PRRX2: variants seen among roughly 807,000 people sequenced by gnomAD.
PRRX2 encodes the protein paired related homeobox 2.
A neutral mutation model predicts 18.0 loss-of-function variants in PRRX2; 11 were observed. The observed-to-expected ratio is 0.61, with a 90% CI of 0.39 to 1.01. PRRX2 has a LOEUF of 1.01. Ranked by LOEUF, PRRX2 falls within the 50% of genes least tolerant of loss-of-function variation. The pLI, the probability that PRRX2 is intolerant of heterozygous loss-of-function variation, is 0.01. For synonymous variants in PRRX2, 177 were observed against 154.8 expected (o/e 1.14, Z -1.06); for missense variants, 387 against 351.0 (o/e 1.10, Z -0.82).
intron 1 of PRRX2, among the ~76,000 whole-genome samples, chr9:129,679,159 T>C (rs1227597302): frequency 3.3e-5 from 5 of 152,092 alleles, no homozygotes; most frequent in Non-Finnish European, 5.9e-5. Flanking sequence ...ATTCATGGTG[T>C]CAGGGACCCA....
chr9:129,701,708 T>G (rs1259254165), intron 1 of PRRX2, among the ~76,000 whole-genome samples: 1 of 152,228 alleles, frequency 6.6e-6, no homozygotes, highest in Non-Finnish European at 1.5e-5. Context: ...AATGGAGTCA[T>G]GTGATAGCTA....
chr9:129,712,059 C>G (rs1017880951), intron 1 of PRRX2, among the ~76,000 whole-genome samples: 1 of 152,180 alleles, frequency 6.6e-6, no homozygotes, highest in African/African-American at 2.4e-5. Context: ...CCACTTCTTG[C>G]CTAAGACGTT....
intron 1 of PRRX2, among the ~76,000 whole-genome samples, chr9:129,713,607 A>G (rs1295786565): frequency 1.3e-5 from 2 of 151,534 alleles, no homozygotes; most frequent in East Asian, 1.9e-4. Context: ...GCCTCCCAGC[A>G]GACATCGATT....
intron 1 of PRRX2, among the ~76,000 whole-genome samples, chr9:129,702,072 G>T (rs1260644118): frequency 6.6e-6 from 1 of 152,012 alleles, no homozygotes; most frequent in African/African-American, 2.4e-5. Context: ...CTGCACTCCA[G>T]CCTGGGCGAC....
At chr9:129,677,559 C>T (rs1217246075) in intron 1 of PRRX2, among the ~76,000 whole-genome samples, 1 of 152,206 alleles carries the variant, frequency 6.6e-6, no homozygotes, top group Non-Finnish European at 1.5e-5. Flanking sequence ...CCCTCCAAAC[C>T]CCCCATTTGC....
chr9:129,713,755 T>C (rs150405450), intron 1 of PRRX2, among the ~76,000 whole-genome samples: 3,238 of 151,826 alleles, frequency 0.021, 84 homozygotes, highest in African/African-American at 0.062. Flanking sequence ...CTCGGCCTCC[T>C]GAGTAGCTGG....
rs116945714 is a variant in PRRX2, at chr9:129,683,244, G to A, written c.259+17118G>A. On this transcript the variant is annotated intron_variant, in intron 1 of 3. Coordinates refer to ENST00000372469, the MANE Select transcript of PRRX2 (RefSeq NM_016307.4). The stretch of plus-strand genomic sequence containing the variant: ...TAATTAATCATCTCCCTTTTAGGAA[G>A]CCCCCACTACAGACTAAGCACATGA... 1.6e-4 allele frequency among the ~76,000 whole-genome samples: 25 copies of A among 152,296 alleles called. No homozygotes were observed. In the East Asian group the frequency reaches 4.8e-3, roughly 29 times the overall value.
chr9:129,713,936 C>T (rs909820292), intron 1 of PRRX2, among the ~76,000 whole-genome samples: 1 of 151,744 alleles, frequency 6.6e-6, no homozygotes. Flanking sequence ...AGCCACTGCA[C>T]CTGGCCAACA....
At chr9:129,706,185 C>A (rs1443843514) in intron 1 of PRRX2, among the ~76,000 whole-genome samples, 1 of 152,164 alleles carries the variant, frequency 6.6e-6, no homozygotes, top group East Asian at 1.9e-4. Flanking sequence ...GTGGCTCACA[C>A]CTATAATCCC....
chr9:129,720,375 ACATTCTCCATT>A (rs1156424421), intron 2 of PRRX2, among the ~76,000 whole-genome samples: 4 of 152,160 alleles, frequency 2.6e-5, no homozygotes, highest in South Asian at 2.1e-4. Context: ...ATTCTCCAAC[ACATTCTCCATT>A]CATTCTCCAT....
intron 1 of PRRX2, among the ~76,000 whole-genome samples, chr9:129,712,081 A>G (rs1185695515): frequency 2.6e-5 from 4 of 152,124 alleles, no homozygotes; most frequent in African/African-American, 9.7e-5. Flanking sequence ...CAGGCTGTAA[A>G]TATTTCTCCA....
At position 129,706,562 on chromosome 9, in the gene PRRX2, CA is replaced by C. The variant is rs58955002; in HGVS notation, c.260-12656del. On this transcript the variant is annotated intron_variant, in intron 1 of 3. Transcript: ENST00000372469. ...TGGGCGACAGAGTGAAACTCCATCT[CA>C]AAAAAAAAAAAATAATTATTTGAGC... is the stretch of plus-strand genomic sequence containing the variant. Among the ~76,000 whole-genome samples, 747 of 138,470 alleles carry C rather than the reference CA, an allele frequency of 5.4e-3. 11 individuals carry two copies. The highest frequency in any genetic ancestry group is 0.031 in the Admixed American group (426 of 13,888). 90.8% of individuals were successfully genotyped at this position (138,470 alleles called of 152,430 possible).
chr9:129,665,749 G>A lies in PRRX2; in HGVS notation c.-119G>A, dbSNP rs2119041974. 2 of 749,668 alleles carry A rather than the reference G, an allele frequency of 2.7e-6. No homozygotes were observed. The highest frequency in any genetic ancestry group is 6.1e-5 in the South Asian group (1 of 16,500). 46.4% of individuals were successfully genotyped at this position (749,668 alleles called of 1,614,324 possible). ...GCCGGGCGGGCCGCGAGGCTAGGAG[G>A]CGGCGGGAGCTGGGCAGAGCGCGGG... is the stretch of plus-strand genomic sequence containing the variant. On this transcript the variant is annotated 5_prime_UTR_variant, in exon 1 of 4. Transcript: ENST00000372469. This position sits in a 1 kb window ranked among gnomAD's most constrained non-coding sequence, Gnocchi z 5.3.
At chr9:129,686,801 C>T (rs1187568282) in intron 1 of PRRX2, among the ~76,000 whole-genome samples, 1 of 152,238 alleles carries the variant, frequency 6.6e-6, no homozygotes, top group African/African-American at 2.4e-5. Context: ...CGCCCCTCCT[C>T]CACCCAGGCC....
chr9:129,674,165 C>G (rs1209307008), intron 1 of PRRX2, among the ~76,000 whole-genome samples: 1 of 152,120 alleles, frequency 6.6e-6, no homozygotes, highest in African/African-American at 2.4e-5. Flanking sequence ...CTCTCGCTGC[C>G]CTGAGCCCGG....
chr9:129,694,353 T>G lies in PRRX2; in HGVS notation c.260-24878T>G, dbSNP rs1160684238. Among the ~76,000 whole-genome samples, 6 of 152,276 alleles carry G rather than the reference T, an allele frequency of 3.9e-5. No individual in the cohort carries two copies. In the East Asian group the frequency reaches 9.7e-4, roughly 25 times the overall value. On this transcript the variant is annotated intron_variant, in intron 1 of 3. Transcript: ENST00000372469. ...GTGTGTGCCACCATGCCCGGCTAACTTGTGTATTTTTAGTAGAGATGGGTT... is the reference window on the plus strand; with the variant it reads ...GTGTGTGCCACCATGCCCGGCTAACGTGTGTATTTTTAGTAGAGATGGGTT...
chr9:129,679,601 C>T (rs946103861), intron 1 of PRRX2, among the ~76,000 whole-genome samples: 4 of 152,200 alleles, frequency 2.6e-5, no homozygotes, highest in African/African-American at 7.2e-5. Flanking sequence ...CTATTCCCTA[C>T]CCCTGCCGAC....
Position 129,675,811 on chromosome 9 carries a change from G to A in PRRX2, c.259+9685G>A, listed in dbSNP as rs1832156562. Among the ~76,000 whole-genome samples the A allele has an allele frequency of 6.6e-6, 1 of 152,222 alleles. No individual in the cohort carries two copies. Among genetic ancestry groups the A allele is most frequent in the Non-Finnish European group, 1.5e-5 (1 of 68,024 alleles). Reference sequence around the variant, plus strand: ...CGCCAGGCGGGCGCGCCTGGCAGGGGCCTCGCAGCCTCTCTCGCCGCCAGA... The same window carrying A: ...CGCCAGGCGGGCGCGCCTGGCAGGGACCTCGCAGCCTCTCTCGCCGCCAGA... On this transcript the variant is annotated intron_variant, in intron 1 of 3. Transcript: ENST00000372469. This position sits in a 1 kb window ranked among gnomAD's most constrained non-coding sequence, Gnocchi z 4.4.
chr9:129,682,145 G>A (rs1434438462), intron 1 of PRRX2, among the ~76,000 whole-genome samples: 1 of 152,076 alleles, frequency 6.6e-6, no homozygotes, highest in African/African-American at 2.4e-5. Context: ...GGGCCAGGAT[G>A]TCACATGGAT....
Sources: gnomAD v4.1 joint callset for allele counts (sites outside exome capture counted in the v4.1 genomes callset) on GRCh38, gnomAD v4.1.1 for gene constraint, Gnocchi (gnomAD v3.1) non-coding constraint, MANE v1.5 for transcripts, NCBI Gene and HGNC (gene_info 2026-07-23, HGNC 2026-07-21) for gene names.